Variants in EEFSEC observed in about 807,000 individuals in gnomAD.
EEFSEC encodes the protein eukaryotic elongation factor, selenocysteine-tRNA specific.
Under a neutral mutation model 42.1 loss-of-function variants are expected in EEFSEC, and 43 were observed. The observed-to-expected ratio is 1.02, with a 90% CI of 0.80 to 1.32. The LOEUF (loss-of-function observed/expected upper bound fraction) is 1.32. Ranked by LOEUF, EEFSEC falls within the 40% of genes most tolerant of loss-of-function variation. The pLI, the probability that EEFSEC is intolerant of heterozygous loss-of-function variation, is 0.00. For missense variants in EEFSEC, 745 were observed against 803.6 expected, an observed-to-expected ratio of 0.93 and a Z score of 0.88; for synonymous variants, 354 against 339.1, an observed-to-expected ratio of 1.04 and a Z score of -0.48.
intron 4 of EEFSEC, among the ~76,000 whole-genome samples, chr3:128,272,322 G>A (rs1344040225): frequency 6.6e-6 from 1 of 152,236 alleles, no homozygotes; most frequent in Non-Finnish European, 1.5e-5. Flanking sequence ...CCAATGATAT[G>A]TGAAGGGACA....
intron 4 of EEFSEC, among the ~76,000 whole-genome samples, chr3:128,297,483 A>G (rs532049408): frequency 5.9e-5 from 9 of 152,270 alleles, no homozygotes; most frequent in African/African-American, 2.2e-4. Flanking sequence ...CTGGTGTGGG[A>G]AAGCCCAGCC....
rs145283969 is a variant in EEFSEC at position 128,386,481 on chromosome 3, G to A, written c.1601-21588G>A. Among the ~76,000 whole-genome samples, 673 of 136,442 alleles carry A rather than the reference G, an allele frequency of 4.9e-3. 5 individuals are homozygous for A. Among genetic ancestry groups the A allele is most frequent in the African/African-American group, 0.018 (586 of 32,140 alleles). 89.5% of individuals were successfully genotyped at this position (136,442 alleles called of 152,430 possible). On this transcript the variant is annotated intron_variant, in intron 6 of 6. Coordinates refer to ENST00000254730, the MANE Select transcript of EEFSEC (RefSeq NM_021937.5). Reference sequence around the variant, plus strand: ...TATGGTATCAGCTGAGACAGGCAGTGGGGGGGGGATGCAGTGACAGGTGAC... The same window carrying A: ...TATGGTATCAGCTGAGACAGGCAGTAGGGGGGGGATGCAGTGACAGGTGAC...
In EEFSEC at chr3:128,311,801, G is replaced by C. The variant is rs572290117; in HGVS notation, c.787-29432G>C. 3.3e-5 allele frequency among the ~76,000 whole-genome samples: 5 copies of C among 152,284 alleles called. No individual in the cohort carries two copies. The East Asian group carries it at 9.7e-4, about 29-fold the overall frequency. On this transcript the variant is annotated intron_variant, in intron 4 of 6. Transcript: ENST00000254730. ...TGCAAGGGACGCCCTTTCCAGCCCTGACCATTTGAAACACTCTTAGAAATA... is the reference window on the plus strand; with the variant it reads ...TGCAAGGGACGCCCTTTCCAGCCCTCACCATTTGAAACACTCTTAGAAATA...
chr3:128,317,373 C>T lies in EEFSEC; in HGVS notation c.787-23860C>T, dbSNP rs2066958521. On this transcript the variant is annotated intron_variant, in intron 4 of 6. Coordinates refer to ENST00000254730, the MANE Select transcript of EEFSEC (RefSeq NM_021937.5). This position sits in a 1 kb window ranked among gnomAD's most constrained non-coding sequence, Gnocchi z 4.1. ...GCCCCGCTGCTGGAGCTCAGACGCT[C>T]ACTCTGGCCTTTCCTACCCTCAGCG... Among the ~76,000 whole-genome samples, 1 of 152,244 alleles carries T rather than the reference C, an allele frequency of 6.6e-6. No individual in the cohort carries two copies. The highest frequency in any genetic ancestry group is 2.4e-5 in the African/African-American group (1 of 41,474).
chr3:128,279,121 A>T (rs973137891), intron 4 of EEFSEC, among the ~76,000 whole-genome samples: 1 of 152,210 alleles, frequency 6.6e-6, no homozygotes, highest in Non-Finnish European at 1.5e-5. Flanking sequence ...TGCCAAGCAG[A>T]GCGCAGCTAA....
chr3:128,338,235 C>T (rs534131891), intron 4 of EEFSEC, among the ~76,000 whole-genome samples: 11 of 152,246 alleles, frequency 7.2e-5, no homozygotes, highest in African/African-American at 1.7e-4. Context: ...ATCATACACA[C>T]GTGTGTATAA....
chr3:128,237,498 A>G (rs1029233361), intron 1 of EEFSEC, among the ~76,000 whole-genome samples: 1 of 152,076 alleles, frequency 6.6e-6, no homozygotes, highest in African/African-American at 2.4e-5. Flanking sequence ...CTTTATCACA[A>G]TTATGTGATT....
chr3:128,352,476 A>G (rs1045295766), intron 5 of EEFSEC, among the ~76,000 whole-genome samples: 1 of 152,198 alleles, frequency 6.6e-6, no homozygotes, highest in Non-Finnish European at 1.5e-5. Context: ...GGCGTAGACA[A>G]GCCACTGCTG....
intron 1 of EEFSEC, among the ~76,000 whole-genome samples, chr3:128,246,267 G>C (rs1305169802): frequency 6.6e-6 from 1 of 152,014 alleles, no homozygotes; most frequent in East Asian, 1.9e-4. Context: ...CAAATGTTCA[G>C]TACTTAGCGA....
chr3:128,218,999 G>A (rs572873361), intron 1 of EEFSEC, among the ~76,000 whole-genome samples: 60 of 152,320 alleles, frequency 3.9e-4, no homozygotes, highest in Admixed American at 1.2e-3. Flanking sequence ...GGAAGCTCAC[G>A]GTGCAGTGGG....
intron 6 of EEFSEC, among the ~76,000 whole-genome samples, chr3:128,364,225 T>C (rs1426811852): frequency 6.6e-6 from 1 of 152,218 alleles, no homozygotes; most frequent in African/African-American, 2.4e-5. Context: ...CGGGGGATAC[T>C]GAGATCCTTC....
the EEFSEC span, among the ~76,000 whole-genome samples, chr3:128,423,393 C>T: frequency 8.5e-5 from 13 of 152,178 alleles, no homozygotes; most frequent in South Asian, 4.2e-4. Flanking sequence ...GTGAAAGGAT[C>T]GCCTGAGGCC....
chr3:128,232,186 A>G (rs1484102173), intron 1 of EEFSEC, among the ~76,000 whole-genome samples: 1 of 152,166 alleles, frequency 6.6e-6, no homozygotes, highest in African/African-American at 2.4e-5. Context: ...TCGGAGGAAA[A>G]GTAAAAAAGT....
intron 1 of EEFSEC, among the ~76,000 whole-genome samples, chr3:128,219,021 T>G (rs2065837572): frequency 6.6e-6 from 1 of 152,178 alleles, no homozygotes; most frequent in South Asian, 2.1e-4. Flanking sequence ...AGATGGACCT[T>G]GGAAGAGACC....
intron 2 of EEFSEC, among the ~76,000 whole-genome samples, chr3:128,248,244 A>G (rs1237472966): frequency 6.6e-6 from 1 of 152,208 alleles, no homozygotes; most frequent in African/African-American, 2.4e-5. Context: ...GCAGCCTGAG[A>G]CAATATCCTG....
intron 5 of EEFSEC, among the ~76,000 whole-genome samples, chr3:128,342,544 G>T (rs1363305585): frequency 3.3e-5 from 5 of 152,240 alleles, no homozygotes; most frequent in Non-Finnish European, 7.3e-5. Context: ...GGCTACCTAG[G>T]GTGCCTGAAG....
At chr3:128,388,160 A>T (rs2067863928) in intron 6 of EEFSEC, among the ~76,000 whole-genome samples, 1 of 152,022 alleles carries the variant, frequency 6.6e-6, no homozygotes, top group African/African-American at 2.4e-5. Context: ...TCCTCTTTCC[A>T]TTGCTCCCGC....
rs149272765 is a variant in EEFSEC, at chr3:128,385,626, C to T, written c.1601-22443C>T. On this transcript the variant is annotated intron_variant, in intron 6 of 6. Transcript: ENST00000254730. ...ACTAACATTTACTACATGCCCAGCA[C>T]GTGCTGACTGTTTTATATGAGTTAC... Among the ~76,000 whole-genome samples, 25 of 152,354 alleles carry T rather than the reference C, an allele frequency of 1.6e-4. No individual in the cohort carries two copies. The East Asian group carries it at 3.5e-3, about 21-fold the overall frequency.
intron 1 of EEFSEC, among the ~76,000 whole-genome samples, chr3:128,208,934 T>C (rs9880555): frequency 0.044 from 6,678 of 152,208 alleles, 488 homozygotes; most frequent in African/African-American, 0.15. Context: ...TATAGGAGCA[T>C]AGATGAGAGA....
Sources: allele counts gnomAD v4.1 joint callset (sites outside exome capture counted in the v4.1 genomes callset), GRCh38; gene constraint gnomAD v4.1.1; non-coding constraint Gnocchi (gnomAD v3.1); transcripts MANE v1.5; gene names NCBI Gene and HGNC (gene_info 2026-07-23, HGNC 2026-07-21).